Variants in FMNL3 observed in about 807,000 individuals in gnomAD.
The protein encoded by FMNL3 is formin like 3.
A neutral mutation model predicts 119.6 loss-of-function variants in FMNL3; 57 were observed. The observed-to-expected ratio is 0.48, with a 90% confidence interval of 0.39 to 0.59. FMNL3 has a LOEUF of 0.59. FMNL3 is among the 20% of genes least tolerant of loss of function. FMNL3 has a pLI of 0.00. For synonymous variants in FMNL3, 491 were observed against 507.3 expected (o/e 0.97, Z 0.43); for missense variants, 1,053 against 1,323.5 (o/e 0.80, Z 3.17).
chr12:49,693,979 C>T (rs910906386), intron 1 of FMNL3, among the ~76,000 whole-genome samples: 1 of 151,746 alleles, frequency 6.6e-6, no homozygotes, highest in African/African-American at 2.4e-5. Flanking sequence ...CATTCAGAGG[C>T]CCGGACCGGA....
At chr12:49,671,113 C>A (rs1306782476) in intron 1 of FMNL3, among the ~76,000 whole-genome samples, 1 of 152,236 alleles carries the variant, frequency 6.6e-6, no homozygotes, top group Non-Finnish European at 1.5e-5. Flanking sequence ...CCTGTCTATG[C>A]CAACTTCCTC....
chr12:49,652,387 A>T (rs1416387449), intron 13 of FMNL3, 175 bp from the exon 14 acceptor site: 1 of 1,295,014 alleles, frequency 7.7e-7, no homozygotes, highest in Non-Finnish European at 1.0e-6. Context: ...GCAGCAAAAC[A>T]AAAGAGGCAA....
At chr12:49,690,601 T>A (rs927390664) in intron 1 of FMNL3, among the ~76,000 whole-genome samples, 2 of 152,186 alleles carry the variant, frequency 1.3e-5, no homozygotes, top group Admixed American at 1.3e-4. Context: ...GATGTCCTAG[T>A]AGGATAGCTA....
intron 21 of FMNL3, 32 bp from the exon 22 acceptor site, chr12:49,648,385 T>C: frequency 6.3e-7 from 1 of 1,594,150 alleles, no homozygotes; most frequent in Non-Finnish European, 8.6e-7. Context: ...GAGGAATGCC[T>C]AGGGCCTGGC....
chr12:49,707,215 A>C lies in FMNL3; in HGVS notation c.-35T>G, dbSNP rs755456966. On this transcript the variant is annotated 5_prime_UTR_variant, in exon 1 of 26. Coordinates refer to ENST00000335154, the MANE Select transcript of FMNL3 (RefSeq NM_175736.5). ...GCCCCCTCAGGGGCCTCGGCCCCCC[A>C]CCTCCACGCTCCGGAGCTTTCGGCT... The C allele has an allele frequency of 1.4e-4, 208 of 1,464,700 alleles. No homozygotes were observed. The highest frequency in any genetic ancestry group is 1.8e-4 in the Non-Finnish European group (204 of 1,114,422). 90.7% of individuals were successfully genotyped at this position (1,464,700 alleles called of 1,614,324 possible).
Position 49,647,070 on chromosome 12 carries a change from T to C in FMNL3, c.2872-61A>G. ...ACTAACCTAATGTGGGACTGGTTCC[T>C]GCCCCAAGGTGCAGTCTGAGGATGC... On this transcript the variant is annotated intron_variant, in intron 24 of 25. Coordinates refer to ENST00000335154, the MANE Select transcript of FMNL3 (RefSeq NM_175736.5). This position sits in a 1 kb window ranked among gnomAD's most constrained non-coding sequence, Gnocchi z 4.9. The C allele has an allele frequency of 6.2e-7, 1 of 1,608,392 alleles. No homozygotes were observed.
At chr12:49,683,522 T>A (rs1290247578) in intron 1 of FMNL3, among the ~76,000 whole-genome samples, 2 of 152,156 alleles carry the variant, frequency 1.3e-5, no homozygotes, top group Non-Finnish European at 2.9e-5. Context: ...TAAAATCTAA[T>A]CAGTCATGAA....
intron 1 of FMNL3, among the ~76,000 whole-genome samples, chr12:49,704,091 T>C (rs1944980756): frequency 6.6e-6 from 1 of 152,194 alleles, no homozygotes; most frequent in African/African-American, 2.4e-5. Context: ...TGCTAAGTAT[T>C]TGACTTCCAA....
Position 49,654,938 on chromosome 12 carries a change from C to G in FMNL3, c.932G>C (p.Arg311Pro). ...GAAGTCAATATTGCTGTCCTCATTC[C>G]GGAAATACTCCATCAGCTTCTCAAA... is the stretch of plus-strand genomic sequence containing the variant. ...HRFEKLMEYF[R>P]NEDSNIDFMV... The change falls in exon 10 of 26, where the codon CGG (arginine) becomes CCG (proline). Residue 311 changes from arginine (R) to proline (P), a missense_variant. Physicochemically the swap from Arg to Pro is moderately radical, Grantham distance 103 (BLOSUM62 -2). Around this residue, in one of 4 missense-constraint regions of FMNL3, gnomAD observed 445 missense variants for 628.4 expected, o/e 0.71. Transcript: ENST00000335154. The G allele has an allele frequency of 6.2e-7, 1 of 1,614,092 alleles. No individual in the cohort carries two copies. Among genetic ancestry groups the G allele is most frequent in the Non-Finnish European group, 8.5e-7 (1 of 1,180,000 alleles).
Position 49,636,850 on chromosome 12 carries a change from G to GT in FMNL3, c.*8964dup. On this transcript the variant is annotated 3_prime_UTR_variant, in exon 26 of 26. Coordinates refer to ENST00000335154, the MANE Select transcript of FMNL3 (RefSeq NM_175736.5). ...ACGCAAGAATCGGGAGGCCTTCCAG[G>GT]TATCTTTGCTGTCCTTTCTAGATCA... The GT allele has an allele frequency of 6.2e-7, 1 of 1,613,668 alleles. No individual in the cohort carries two copies. Among genetic ancestry groups the GT allele is most frequent in the Non-Finnish European group, 8.5e-7 (1 of 1,179,988 alleles).
chr12:49,645,197 G>A lies in FMNL3; in HGVS notation c.*618C>T, dbSNP rs940336912. Reference sequence around the variant, plus strand: ...TCCAGCCATCTGCAGAGAGTGGTTGGTGCAGAGAAGACCTCTGCTCTTCTG... The same window carrying A: ...TCCAGCCATCTGCAGAGAGTGGTTGATGCAGAGAAGACCTCTGCTCTTCTG... On this transcript the variant is annotated 3_prime_UTR_variant, in exon 26 of 26. Transcript: ENST00000335154. The A allele has an allele frequency of 6.6e-6, 1 of 151,898 alleles. No individual in the cohort carries two copies. Among genetic ancestry groups the A allele is most frequent in the South Asian group, 2.1e-4 (1 of 4,810 alleles). 9.4% of individuals were successfully genotyped at this position (151,898 alleles called of 1,614,324 possible). A position where few individuals can be genotyped will look rare whatever the true frequency, so the allele number is the denominator to read the frequency against.
At chr12:49,683,250 G>C (rs1944380935) in intron 1 of FMNL3, among the ~76,000 whole-genome samples, 1 of 152,126 alleles carries the variant, frequency 6.6e-6, no homozygotes, top group South Asian at 2.1e-4. Flanking sequence ...TTCTATCCCA[G>C]ACTTCTCCTT....
chr12:49,658,631 C>T (rs1294613112), intron 5 of FMNL3, 37 bp from the exon 6 acceptor site: 1 of 1,548,426 alleles, frequency 6.5e-7, no homozygotes, highest in African/African-American at 1.4e-5. Context: ...CATACACAGG[C>T]ACATACACAG....
At chr12:49,652,753 G>GAA (rs1259757099) in intron 13 of FMNL3, among the ~76,000 whole-genome samples, 1 of 152,202 alleles carries the variant, frequency 6.6e-6, no homozygotes, top group Admixed American at 6.5e-5. Context: ...TAGGATGGGG[G>GAA]CATGACTTTA....
chr12:49,698,227 C>G (rs547805617), intron 1 of FMNL3, among the ~76,000 whole-genome samples: 32 of 152,010 alleles, frequency 2.1e-4, no homozygotes, highest in Non-Finnish European at 4.1e-4. Context: ...TATAAGGGAC[C>G]CAGAGGTAAG....
At chr12:49,680,386 C>T (rs1031058468) in intron 1 of FMNL3, among the ~76,000 whole-genome samples, 4 of 152,248 alleles carry the variant, frequency 2.6e-5, no homozygotes, top group Non-Finnish European at 4.4e-5. Flanking sequence ...AGAGGCTCTA[C>T]AAGTCCTGCC....
At position 49,654,322 on chromosome 12, in the gene FMNL3, G is replaced by A. The variant is rs372560528; in HGVS notation, c.961-20C>T. The A allele has an allele frequency of 8.7e-6, 14 of 1,605,562 alleles. No individual in the cohort carries two copies. In the African/African-American group the frequency reaches 1.2e-4, roughly 14 times the overall value. ...GGCCACCTGAAGAAGAGGAGGCCCAGAGAAGCAGCAACAGGAAGGGCAGAG... is the reference window on the plus strand; with the variant it reads ...GGCCACCTGAAGAAGAGGAGGCCCAAAGAAGCAGCAACAGGAAGGGCAGAG... On this transcript the variant is annotated intron_variant, in intron 10 of 25. Coordinates refer to ENST00000335154, the MANE Select transcript of FMNL3 (RefSeq NM_175736.5).
At position 49,649,167 on chromosome 12, in the gene FMNL3, G is replaced by T. The variant is rs374499708; in HGVS notation, c.2386-9C>A. On this transcript the variant is annotated splice_polypyrimidine_tract_variant and intron_variant, in intron 20 of 25. Transcript: ENST00000335154. The surrounding 1 kb of genome is among the most constrained non-coding windows in gnomAD (Gnocchi z 5.6). Reference sequence around the variant, plus strand: ...GACTTGGTATCCAGCAGCTAGGAGAGGGGGTGAGGGCGGTGCACAAGAGCT... The same window carrying T: ...GACTTGGTATCCAGCAGCTAGGAGATGGGGTGAGGGCGGTGCACAAGAGCT... 4.3e-6 allele frequency: 7 copies of T among 1,612,148 alleles called. No individual in the cohort carries two copies. Among genetic ancestry groups the T allele is most frequent in the Non-Finnish European group, 5.9e-6 (7 of 1,179,048 alleles).
At chr12:49,687,383 C>T (rs544525913) in intron 1 of FMNL3, among the ~76,000 whole-genome samples, 53 of 152,042 alleles carry the variant, frequency 3.5e-4, no homozygotes, top group African/African-American at 1.2e-3. Flanking sequence ...TGAGCCACCG[C>T]GCCTGGCCCC....
Sources: gnomAD v4.1 joint callset for allele counts (sites outside exome capture counted in the v4.1 genomes callset) on GRCh38, gnomAD v4.1.1 for gene constraint, gnomAD v4.1.1 regional missense constraint, Gnocchi (gnomAD v3.1) non-coding constraint, MANE v1.5 for transcripts, NCBI Gene and HGNC (gene_info 2026-07-23, HGNC 2026-07-21) for gene names.